The following EP300 variants were observed in gnomAD, a reference collection of about 807,000 sequenced individuals.
The protein encoded by EP300 is histone acetyltransferase p300.
A neutral mutation model predicts 264.0 loss-of-function variants in EP300; 31 were observed. The observed-to-expected ratio is 0.12, with a 90% CI of 0.09 to 0.16. The LOEUF (loss-of-function observed/expected upper bound fraction) is 0.16, where lower values mean the gene tolerates loss of function less well. Among genes scored for constraint, EP300 ranks in the 10% least tolerant of loss-of-function variants. The pLI, the probability that EP300 is intolerant of heterozygous loss-of-function variation, is 1.00. For synonymous variants in EP300, 1,340 were observed against 1,045.4 expected, an observed-to-expected ratio of 1.28 and a Z score of -5.44; for missense variants, 2,766 against 3,052.9, an observed-to-expected ratio of 0.91 and a Z score of 2.21.
chr22:41,130,556 A>AAC (rs2058912822), intron 5 of EP300, among the ~76,000 whole-genome samples: 1 of 152,072 alleles, frequency 6.6e-6, no homozygotes, highest in African/African-American at 2.4e-5. Flanking sequence ...AACAAAACAA[A>AAC]AAAAACAACT....
chr22:41,118,726 C>T (rs1019448732), intron 2 of EP300, among the ~76,000 whole-genome samples: 5 of 151,762 alleles, frequency 3.3e-5, no homozygotes, highest in African/African-American at 1.2e-4. Context: ...GAGGCCAAGG[C>T]TAGAGGATCG....
chr22:41,100,514 C>G (rs2058725805), intron 1 of EP300, among the ~76,000 whole-genome samples: 1 of 152,056 alleles, frequency 6.6e-6, no homozygotes, highest in African/African-American at 2.4e-5. Flanking sequence ...TCTGAGGGTT[C>G]CGTGTTTGTG....
In EP300 at chr22:41,170,389, T is replaced by A; in HGVS notation, c.4287-17T>A. The A allele has an allele frequency of 6.2e-7, 1 of 1,610,876 alleles. No individual in the cohort carries two copies. The highest frequency in any genetic ancestry group is 8.5e-7 in the Non-Finnish European group (1 of 1,177,048). ...ATTATCTCTTTTCCTTAATGTTCTT[T>A]CTCTTTGTATTGTTAGTTACACAAC... On this transcript the variant is annotated splice_polypyrimidine_tract_variant and intron_variant, in intron 26 of 30. Transcript: ENST00000263253.
At chr22:41,152,821 G>A (rs1421425858) in intron 16 of EP300, among the ~76,000 whole-genome samples, 2 of 151,890 alleles carry the variant, frequency 1.3e-5, no homozygotes, top group African/African-American at 2.4e-5. Context: ...GCAGTGGCGG[G>A]ATCTGAGCTC....
rs202070031 is a variant in EP300, at chr22:41,149,915, C to A, written c.2534C>A (p.Thr845Asn). ...AGTCGTACCCCCACCCCTCACCATA[C>A]TCCCCCAAGCATAGGGGCTCAGCAG... ...VPSRTPTPHH[T>N]PPSIGAQQPP... Residue 845 changes from threonine to asparagine, a missense_variant, in exon 14 of 31, where the codon ACT becomes AAT. By Grantham distance (65) the Thr-to-Asn change is moderately conservative. Transcript: ENST00000263253. 1 of 1,613,756 alleles carries A rather than the reference C, an allele frequency of 6.2e-7. No individual in the cohort carries two copies. Among genetic ancestry groups the A allele is most frequent in the Non-Finnish European group, 8.5e-7 (1 of 1,179,930 alleles).
chr22:41,097,434 TCTC>T (rs930267522), intron 1 of EP300, among the ~76,000 whole-genome samples: 2 of 151,120 alleles, frequency 1.3e-5, no homozygotes, highest in African/African-American at 4.9e-5. Context: ...TGCTTTTCTC[TCTC>T]TTCTTTATTT....
chr22:41,157,432 A>G, intron 18 of EP300, 24 bp downstream of exon 18: 1 of 1,609,364 alleles, frequency 6.2e-7, no homozygotes, highest in Non-Finnish European at 8.5e-7. Context: ...TTCAGATTTG[A>G]CTTTAACTTT....
chr22:41,175,363 T>G (rs1197760846), intron 29 of EP300, among the ~76,000 whole-genome samples: 1 of 152,248 alleles, frequency 6.6e-6, no homozygotes, highest in Non-Finnish European at 1.5e-5. Flanking sequence ...CTTAAGGGGA[T>G]GTTTTACATT....
At chr22:41,097,999 T>C (rs906426931) in intron 1 of EP300, among the ~76,000 whole-genome samples, 1 of 82,176 alleles carries the variant, frequency 1.2e-5, no homozygotes, top group Non-Finnish European at 3.0e-5. Context: ...CAGCTAAAAA[T>C]TTTTTTTTTT....
chr22:41,172,451 C>G (rs374912676), intron 27 of EP300, 48 bp from the exon 28 acceptor site: 2 of 1,499,100 alleles, frequency 1.3e-6, no homozygotes, highest in Non-Finnish European at 1.9e-6. Context: ...ATAATCAATG[C>G]TTTAAAAGAA....
At chr22:41,155,784 T>G (rs1249431628) in intron 17 of EP300, among the ~76,000 whole-genome samples, 2 of 152,222 alleles carry the variant, frequency 1.3e-5, no homozygotes, top group African/African-American at 4.8e-5. Context: ...TTCATCCATG[T>G]TGTAGCATGA....
chr22:41,140,873 G>T (rs969484496), intron 9 of EP300, among the ~76,000 whole-genome samples, 175 bp from the exon 10 acceptor site: 2 of 152,180 alleles, frequency 1.3e-5, no homozygotes, highest in Non-Finnish European at 2.9e-5. Context: ...CTTAACTGTT[G>T]TTCACGGTAG....
In EP300 at chr22:41,179,337, T is replaced by G; in HGVS notation, c.*381T>G. On this transcript the variant is annotated 3_prime_UTR_variant, in exon 31 of 31. Transcript: ENST00000263253. ...TGTAATATTAATAGTTATTATTTAC[T>G]GGTGCAGATGGTTGACATTTTTCCC... 1 of 236,826 alleles carries G rather than the reference T, an allele frequency of 4.2e-6. No homozygotes were observed. The highest frequency in any genetic ancestry group is 8.4e-6 in the Non-Finnish European group (1 of 119,490). 14.7% of individuals were successfully genotyped at this position (236,826 alleles called of 1,614,324 possible). A position where few individuals can be genotyped will look rare whatever the true frequency, so the allele number is the denominator to read the frequency against.
At chr22:41,094,102 C>G (rs749341348) in intron 1 of EP300, among the ~76,000 whole-genome samples, 2 of 152,212 alleles carry the variant, frequency 1.3e-5, no homozygotes, top group African/African-American at 2.4e-5. Flanking sequence ...TCCATCATCC[C>G]TTCATTCTTT....
rs1032317413 is a variant in EP300, at chr22:41,164,076, G to A, written c.3752G>A (p.Gly1251Glu). The A allele has an allele frequency of 1.6e-5, 26 of 1,614,054 alleles. No homozygotes were observed. Among genetic ancestry groups the A allele is most frequent in the Non-Finnish European group, 2.1e-5 (25 of 1,180,038 alleles). Residue 1251 changes from glycine (G) to glutamate (E), a missense_variant, in exon 22 of 31, where the codon GGA becomes GAA. Coordinates refer to ENST00000263253, the MANE Select transcript of EP300 (RefSeq NM_001429.4). ...PELFVECTEC[G>E]RKMHQICVLH... ...AGGTTTGTTGAATGTACAGAGTGCGGAAGAAAGATGCATCAGATCTGTGTC... is the reference window on the plus strand; with the variant it reads ...AGGTTTGTTGAATGTACAGAGTGCGAAAGAAAGATGCATCAGATCTGTGTC...
intron 7 of EP300, 148 bp from the exon 8 acceptor site, chr22:41,137,505 T>TCACACAC: frequency 9.8e-7 from 1 of 1,019,584 alleles, no homozygotes; most frequent in East Asian, 2.5e-5. Flanking sequence ...ATCAGTCTAG[T>TCACACAC]CACACACTTC....
intron 4 of EP300, 107 bp from the exon 5 acceptor site, chr22:41,129,783 A>AAAT: frequency 1.2e-6 from 1 of 827,668 alleles, no homozygotes; most frequent in Non-Finnish European, 2.0e-6. Context: ...TAGGAAGATG[A>AAAT]AATAAGTTAA....
intron 1 of EP300, among the ~76,000 whole-genome samples, chr22:41,111,554 T>C (rs1204337235): frequency 6.6e-6 from 1 of 152,130 alleles, no homozygotes; most frequent in Admixed American, 6.6e-5. Flanking sequence ...CCTTCTTTTT[T>C]GTTTTGAGAC....
At chr22:41,132,405 A>G (rs1220226712) in intron 6 of EP300, among the ~76,000 whole-genome samples, 2 of 145,310 alleles carry the variant, frequency 1.4e-5, no homozygotes, top group Non-Finnish European at 3.0e-5. Context: ...CTCCTGCCTT[A>G]GCCTCCTGAG....
Sources: gnomAD v4.1 joint callset for allele counts (sites outside exome capture counted in the v4.1 genomes callset) on GRCh38, gnomAD v4.1.1 for gene constraint, MANE v1.5 for transcripts, NCBI Gene and HGNC (gene_info 2026-07-23, HGNC 2026-07-21) for gene names.